Variants in NALF1 observed in about 807,000 individuals in gnomAD.
NALF1 encodes family with sequence similarity 155 member A.
A neutral mutation model predicts 48.4 loss-of-function variants in NALF1; 3 were observed. The ratio of observed to expected loss-of-function variants is 0.06; its 90% CI spans 0.03 to 0.16. NALF1 has a LOEUF of 0.16. NALF1 is among the 10% of genes least tolerant of loss of function. The pLI, the probability that NALF1 is intolerant of heterozygous loss-of-function variation, is 1.00. For synonymous variants in NALF1, 262 were observed against 245.7 expected, an observed-to-expected ratio of 1.07 and a Z score of -0.62; for missense variants, 526 against 571.5, an observed-to-expected ratio of 0.92 and a Z score of 0.81.
rs1438190729 is a variant in NALF1, at chr13:107,166,669, T to C, written c.*3828A>G. 2 of 152,178 alleles carry C rather than the reference T, an allele frequency of 1.3e-5. No homozygotes were observed. The highest frequency in any genetic ancestry group is 2.9e-5 in the Non-Finnish European group (2 of 68,032). The allele number at this position is 152,178 out of a possible 1,614,324, so 9.4% of individuals were successfully genotyped here. ...CACATGGGTCTGGCATCCAATTGCT[T>C]ATTTCATTTATGTTTTTTTCCCCCG... On this transcript the variant is annotated 3_prime_UTR_variant, in exon 3 of 3. Coordinates refer to ENST00000375915, the MANE Select transcript of NALF1 (RefSeq NM_001080396.3).
chr13:107,666,941 C>G (rs1319069306), intron 1 of NALF1, among the ~76,000 whole-genome samples: 1 of 152,080 alleles, frequency 6.6e-6, no homozygotes, highest in Non-Finnish European at 1.5e-5. Context: ...TATGTTAGAG[C>G]AAGTTAATAT....
chr13:107,512,333 G>A (rs75797688), intron 1 of NALF1, among the ~76,000 whole-genome samples: 1 of 152,198 alleles, frequency 6.6e-6, no homozygotes, highest in East Asian at 1.9e-4. Flanking sequence ...GGCGGAGGTT[G>A]CAGTGAGCCA....
intron 1 of NALF1, among the ~76,000 whole-genome samples, chr13:107,224,862 T>C (rs1880069600): frequency 6.6e-6 from 1 of 152,170 alleles, no homozygotes. Context: ...TCTCCACAGC[T>C]AATAATTTGA....
chr13:107,287,607 C>T lies in NALF1; in HGVS notation c.916-76852G>A, dbSNP rs184553085. Among the ~76,000 whole-genome samples the T allele has an allele frequency of 3.2e-3, 492 of 152,182 alleles. 5 individuals carry two copies. The highest frequency in any genetic ancestry group is 5.0e-3 in the Non-Finnish European group (339 of 68,012). On this transcript the variant is annotated intron_variant, in intron 1 of 2. Coordinates refer to ENST00000375915, the MANE Select transcript of NALF1 (RefSeq NM_001080396.3). ...GATTACCTAATAAGAAATGTATCAC[C>T]ACGCCTAGATGATCTGAAATTTGTT... is the stretch of plus-strand genomic sequence containing the variant.
chr13:107,822,808 A>G (rs896415494), intron 1 of NALF1, among the ~76,000 whole-genome samples: 9 of 152,226 alleles, frequency 5.9e-5, no homozygotes, highest in Non-Finnish European at 8.8e-5. Flanking sequence ...CGTTAAATAT[A>G]AAAAGAACAA....
intron 1 of NALF1, among the ~76,000 whole-genome samples, chr13:107,452,683 A>G (rs979123170): frequency 6.6e-6 from 1 of 152,262 alleles, no homozygotes; most frequent in South Asian, 2.1e-4. Flanking sequence ...TTCAAAACCA[A>G]TCATGCCTTC....
intron 1 of NALF1, among the ~76,000 whole-genome samples, chr13:107,495,271 A>C (rs1012320642): frequency 6.6e-6 from 1 of 152,212 alleles, no homozygotes; most frequent in African/African-American, 2.4e-5. Context: ...GCGCCAAATT[A>C]CAGCAACAAC....
At chr13:107,237,416 T>C (rs1880376000) in intron 1 of NALF1, among the ~76,000 whole-genome samples, 1 of 152,062 alleles carries the variant, frequency 6.6e-6, no homozygotes, top group African/African-American at 2.4e-5. Flanking sequence ...CAAAAACGTA[T>C]ATAGCTGTCC....
intron 1 of NALF1, among the ~76,000 whole-genome samples, chr13:107,718,398 T>C (rs1705303694): frequency 2.0e-5 from 3 of 152,124 alleles, no homozygotes; most frequent in Admixed American, 2.0e-4. Flanking sequence ...GGAAGAAGAC[T>C]CTCATCCCAC....
intron 1 of NALF1, among the ~76,000 whole-genome samples, chr13:107,247,758 T>C (rs560654606): frequency 3.9e-5 from 6 of 152,306 alleles, no homozygotes; most frequent in East Asian, 1.9e-4. Flanking sequence ...AGGGAAAGCA[T>C]GGATATTAAA....
chr13:107,457,711 T>A (rs140352464), intron 1 of NALF1, among the ~76,000 whole-genome samples: 2,931 of 152,288 alleles, frequency 0.019, 50 homozygotes, highest in South Asian at 0.035. Flanking sequence ...AAATCTCAGA[T>A]AAAGTTGAAA....
At chr13:107,339,322 C>T (rs1275529522) in intron 1 of NALF1, among the ~76,000 whole-genome samples, 1 of 151,966 alleles carries the variant, frequency 6.6e-6, no homozygotes, top group Non-Finnish European at 1.5e-5. Flanking sequence ...GGTACTGAGG[C>T]AGAAAGCAAA....
chr13:107,622,475 A>C (rs868354572), intron 1 of NALF1, among the ~76,000 whole-genome samples: 827 of 33,618 alleles, frequency 0.025, 11 homozygotes, highest in African/African-American at 0.037. Flanking sequence ...CAACAACAAA[A>C]AAAAAAAAAC....
At chr13:107,813,445 A>G (rs1225760495) in intron 1 of NALF1, among the ~76,000 whole-genome samples, 1 of 152,186 alleles carries the variant, frequency 6.6e-6, no homozygotes, top group Admixed American at 6.5e-5. Context: ...GTAAAGCTCA[A>G]AAATAAGTTT....
intron 1 of NALF1, among the ~76,000 whole-genome samples, chr13:107,320,177 T>C (rs1160116552): frequency 1.3e-5 from 2 of 152,066 alleles, no homozygotes; most frequent in Non-Finnish European, 2.9e-5. Context: ...AAGATGTGCC[T>C]AAAAAATAAA....
rs1878781560 is a variant in NALF1, at chr13:107,806,160, C to G, written c.915+59522G>C. Among the ~76,000 whole-genome samples the G allele has an allele frequency of 2.6e-5, 4 of 152,118 alleles. No individual in the cohort carries two copies. The South Asian group carries it at 8.3e-4, about 32-fold the overall frequency. ...GGGAAGGCACATGCGTTTTAGAGGG[C>G]TGACCTAGATTCCAATACCAAAGAC... On this transcript the variant is annotated intron_variant, in intron 1 of 2. Transcript: ENST00000375915.
chr13:107,553,671 A>C (rs540710863), intron 1 of NALF1, among the ~76,000 whole-genome samples: 1 of 151,938 alleles, frequency 6.6e-6, no homozygotes, highest in East Asian at 1.9e-4. Context: ...AATTAAGTTA[A>C]TTAAGCTTCA....
chr13:107,435,137 C>A (rs1338763922), intron 1 of NALF1, among the ~76,000 whole-genome samples: 1 of 151,926 alleles, frequency 6.6e-6, no homozygotes, highest in Non-Finnish European at 1.5e-5. Context: ...GTAATTTGGC[C>A]TCTATAAGAA....
At chr13:107,235,684 T>C (rs554384548) in intron 1 of NALF1, among the ~76,000 whole-genome samples, 4 of 152,224 alleles carry the variant, frequency 2.6e-5, no homozygotes, top group Non-Finnish European at 5.9e-5. Context: ...CTGTAGTCCA[T>C]TGAATCCACA....
Sources: gnomAD v4.1 joint callset for allele counts (sites outside exome capture counted in the v4.1 genomes callset) on GRCh38, gnomAD v4.1.1 for gene constraint, MANE v1.5 for transcripts, NCBI Gene and HGNC (gene_info 2026-07-23, HGNC 2026-07-21) for gene names.